The following HORMAD2 variants were observed in gnomAD, a reference collection of about 807,000 sequenced individuals.
The protein encoded by HORMAD2 is HORMA domain containing 2.
A neutral mutation model predicts 38.8 loss-of-function variants in HORMAD2; 45 were observed. The observed-to-expected ratio is 1.16, with a 90% CI of 0.91 to 1.49. HORMAD2 has a LOEUF of 1.49. Ranked by LOEUF, HORMAD2 falls within the 40% of genes most tolerant of loss-of-function variation. The pLI, the probability that HORMAD2 is intolerant of heterozygous loss-of-function variation, is 0.00. For missense variants in HORMAD2, 338 were observed against 367.0 expected, an observed-to-expected ratio of 0.92 and a Z score of 0.65; for synonymous variants, 126 against 122.8, an observed-to-expected ratio of 1.03 and a Z score of -0.17.
At chr22:30,206,778 G>T in the HORMAD2 span, among the ~76,000 whole-genome samples, 1 of 152,168 alleles carries the variant, frequency 6.6e-6, no homozygotes, top group East Asian at 1.9e-4. Flanking sequence ...CAATCTCAGA[G>T]AGTTTTGATG....
chr22:30,108,259 C>T (rs1248124353), intron 5 of HORMAD2, among the ~76,000 whole-genome samples: 1 of 152,156 alleles, frequency 6.6e-6, no homozygotes, highest in African/African-American at 2.4e-5. Flanking sequence ...TGCATACTTT[C>T]AGAAACCCAA....
chr22:30,145,370 G>A (rs1256073287), intron 10 of HORMAD2, among the ~76,000 whole-genome samples: 5 of 152,068 alleles, frequency 3.3e-5, no homozygotes, highest in Non-Finnish European at 7.4e-5. Context: ...TCACAGAACT[G>A]TACATTATAA....
intron 1 of HORMAD2, among the ~76,000 whole-genome samples, chr22:30,088,126 T>C (rs1008945407): frequency 2.1e-4 from 27 of 129,144 alleles, no homozygotes; most frequent in South Asian, 4.2e-4. Flanking sequence ...TACACACACG[T>C]ACACATGTGT....
At chr22:30,200,277 T>G in the HORMAD2 span, among the ~76,000 whole-genome samples, 6 of 152,254 alleles carry the variant, frequency 3.9e-5, no homozygotes, top group South Asian at 1.2e-3. Flanking sequence ...ATTGGAATCA[T>G]AATGAATCAG....
chr22:30,203,519 G>C, the HORMAD2 span, among the ~76,000 whole-genome samples: 3 of 152,080 alleles, frequency 2.0e-5, no homozygotes, highest in East Asian at 5.8e-4. Context: ...TCCTTCCCCT[G>C]CTTCTCTGCA....
intron 10 of HORMAD2, among the ~76,000 whole-genome samples, chr22:30,127,103 T>C (rs1922920482): frequency 6.6e-6 from 1 of 152,130 alleles, no homozygotes; most frequent in Non-Finnish European, 1.5e-5. Context: ...GCATATATAT[T>C]CTGCATATAA....
At chr22:30,165,985 A>G (rs1412804673) in intron 10 of HORMAD2, among the ~76,000 whole-genome samples, 1 of 142,800 alleles carries the variant, frequency 7.0e-6, no homozygotes, top group Non-Finnish European at 1.6e-5. Context: ...TTTATTCTTC[A>G]TTCTTCTTCT....
intron 10 of HORMAD2, among the ~76,000 whole-genome samples, chr22:30,125,205 C>CTTTTTT (rs1569099710): frequency 4.3e-5 from 3 of 69,478 alleles, no homozygotes; most frequent in African/African-American, 1.8e-4. Context: ...TTTTCACTTT[C>CTTTTTT]TTTTTCTTTT....
chr22:30,167,879 G>A (rs1225608147), intron 10 of HORMAD2, among the ~76,000 whole-genome samples: 1 of 152,106 alleles, frequency 6.6e-6, no homozygotes, highest in East Asian at 1.9e-4. Flanking sequence ...TTCAAAACTT[G>A]CACTTACTAA....
intron 10 of HORMAD2, among the ~76,000 whole-genome samples, chr22:30,139,765 C>T (rs918206544): frequency 3.3e-5 from 5 of 151,886 alleles, no homozygotes; most frequent in African/African-American, 1.2e-4. Flanking sequence ...TCTTAGTCTG[C>T]TGAGTGTTTT....
chr22:30,125,216 CTTTTTT>C (rs1167990121), intron 10 of HORMAD2, among the ~76,000 whole-genome samples: 554 of 43,420 alleles, frequency 0.013, 5 homozygotes, highest in African/African-American at 0.048. Flanking sequence ...TTTTTCTTTT[CTTTTTT>C]TTTTTTTTTT....
chr22:30,114,792 A>G (rs1452717160), intron 7 of HORMAD2, among the ~76,000 whole-genome samples: 1 of 152,224 alleles, frequency 6.6e-6, no homozygotes, highest in Non-Finnish European at 1.5e-5. Context: ...AGTTTTCAGC[A>G]TTCTACAAAG....
chr22:30,094,830 T>C (rs1036647815), intron 2 of HORMAD2, among the ~76,000 whole-genome samples: 1 of 152,298 alleles, frequency 6.6e-6, no homozygotes, highest in Non-Finnish European at 1.5e-5. Context: ...AGAAATAAGA[T>C]GGGCTGATTA....
chr22:30,087,780 C>T (rs1195566891), intron 1 of HORMAD2, among the ~76,000 whole-genome samples: 1 of 151,978 alleles, frequency 6.6e-6, no homozygotes, highest in East Asian at 1.9e-4. Flanking sequence ...AACTCACTCA[C>T]TTACTATTGC....
chr22:30,142,740 G>A (rs1447845774), intron 10 of HORMAD2, among the ~76,000 whole-genome samples: 1 of 152,072 alleles, frequency 6.6e-6, no homozygotes, highest in Non-Finnish European at 1.5e-5. Flanking sequence ...TGTTTTATAT[G>A]TGTTTATTGT....
At chr22:30,188,647 C>T in the HORMAD2 span, among the ~76,000 whole-genome samples, 2 of 152,186 alleles carry the variant, frequency 1.3e-5, no homozygotes, top group Non-Finnish European at 2.9e-5. Flanking sequence ...AATTGTGCTA[C>T]CAGAAAATCA....
the HORMAD2 span, among the ~76,000 whole-genome samples, chr22:30,206,113 T>G: frequency 6.6e-6 from 1 of 152,144 alleles, no homozygotes; most frequent in Non-Finnish European, 1.5e-5. Context: ...GAGCCATTAT[T>G]CTCACCCCCC....
chr22:30,178,724 A>C (rs1290583091), downstream of HORMAD2, among the ~76,000 whole-genome samples: 1 of 152,162 alleles, frequency 6.6e-6, no homozygotes, highest in Non-Finnish European at 1.5e-5. Context: ...CCATTCCCTC[A>C]CTCTGACTGT....
upstream of HORMAD2, among the ~76,000 whole-genome samples, chr22:30,077,811 C>T (rs1308822482): frequency 6.6e-6 from 1 of 152,156 alleles, no homozygotes; most frequent in Non-Finnish European, 1.5e-5. Context: ...ATTTCTAAAG[C>T]CCCCTGTAAC....
Sources: allele counts gnomAD v4.1 joint callset (sites outside exome capture counted in the v4.1 genomes callset), GRCh38; gene constraint gnomAD v4.1.1; transcripts MANE v1.5; gene names NCBI Gene and HGNC (gene_info 2026-07-23, HGNC 2026-07-21).